Variants in ZNF853 observed in about 807,000 individuals in gnomAD.
ZNF853 encodes zinc finger protein 853.
In ZNF853, 57 loss-of-function variants were observed where a neutral mutation model predicts 94.7. The ratio of observed to expected loss-of-function variants is 0.60; its 90% CI spans 0.49 to 0.75. The LOEUF (loss-of-function observed/expected upper bound fraction) is 0.75, where lower values mean the gene tolerates loss of function less well. ZNF853 is among the 30% of genes least tolerant of loss of function. The pLI is 0.00. For missense variants in ZNF853, 785 were observed against 868.9 expected, an observed-to-expected ratio of 0.90 and a Z score of 1.21; for synonymous variants, 448 against 406.3, an observed-to-expected ratio of 1.10 and a Z score of -1.23.
At position 6,622,921 on chromosome 7, in the gene ZNF853, C is replaced by T. The variant is rs1254703115; in HGVS notation, c.1930C>T (p.Arg644Cys). Residue 644 changes from arginine (R) to cysteine (C), a missense_variant, in exon 3 of 3, where the codon CGC becomes TGC. By Grantham distance (180) the Arg-to-Cys change is radical. Coordinates refer to ENST00000457543, the MANE Select transcript of ZNF853 (RefSeq NM_017560.3). Reference sequence around the variant, plus strand: ...GCCGGCGGCCCTCGGTGGCCCAGCCCGCGCGGAGCAGGCCGCTACAGCCAC... The same window carrying T: ...GCCGGCGGCCCTCGGTGGCCCAGCCTGCGCGGAGCAGGCCGCTACAGCCAC... ...SRPAALGGPA[R>C]AEQAATATAP... 5.6e-6 allele frequency: 7 copies of T among 1,248,506 alleles called. No homozygotes were observed. Among genetic ancestry groups the T allele is most frequent in the African/African-American group, 1.6e-5 (1 of 63,830 alleles). 77.3% of individuals were successfully genotyped at this position (1,248,506 alleles called of 1,614,324 possible). A position where few individuals can be genotyped will look rare whatever the true frequency, so the allele number is the denominator to read the frequency against.
Position 6,623,021 on chromosome 7 carries a change from C to T in ZNF853, c.*50C>T, listed in dbSNP as rs1051803068. On this transcript the variant is annotated 3_prime_UTR_variant, in exon 3 of 3. Transcript: ENST00000457543. ...CGGGAGGGGACCCCCCACCCGCCTC[C>T]ACCTGAAAAGCTCCTTGACCCGGGT... 1.5e-5 allele frequency: 19 copies of T among 1,235,934 alleles called. No homozygotes were observed. The highest frequency in any genetic ancestry group is 3.1e-4 in the Middle Eastern group (1 of 3,232). 76.6% of individuals were successfully genotyped at this position (1,235,934 alleles called of 1,614,324 possible). A position where few individuals can be genotyped will look rare whatever the true frequency, so the allele number is the denominator to read the frequency against.
At position 6,622,205 on chromosome 7, in the gene ZNF853, C is replaced by A; in HGVS notation, c.1214C>A (p.Thr405Asn). The A allele has an allele frequency of 6.5e-7, 1 of 1,537,448 alleles. No homozygotes were observed. Among genetic ancestry groups the A allele is most frequent in the Non-Finnish European group, 8.7e-7 (1 of 1,145,736 alleles). The change falls in exon 3 of 3, where the codon ACC becomes AAC. Residue 405 changes from threonine to asparagine, a missense_variant. Physicochemically the swap from Thr to Asn is moderately conservative, Grantham distance 65. Transcript: ENST00000457543. ...AQQQEVQLEL[T>N]PVQPELQLEL... The stretch of plus-strand genomic sequence containing the variant: ...CAGCAGGAGGTGCAGCTGGAGCTGA[C>A]CCCCGTGCAGCCGGAGCTGCAGCTG...
intron 1 of ZNF853, among the ~76,000 whole-genome samples, 152 bp downstream of exon 1, chr7:6,616,338 A>AG: frequency 6.6e-6 from 1 of 152,146 alleles, no homozygotes; most frequent in Non-Finnish European, 1.5e-5. Flanking sequence ...GCACAGGGCC[A>AG]GGCCGTGGGT....
chr7:6,620,815 T>C, intron 2 of ZNF853, among the ~76,000 whole-genome samples: 1 of 152,210 alleles, frequency 6.6e-6, no homozygotes, highest in African/African-American at 2.4e-5. Flanking sequence ...GCTTTCGCCA[T>C]GTTGCCCAGG....
At position 6,622,438 on chromosome 7, in the gene ZNF853, C is replaced by G. The variant is rs965066117; in HGVS notation, c.1447C>G (p.Arg483Gly). The G allele has an allele frequency of 6.8e-7, 1 of 1,469,218 alleles. No homozygotes were observed. Among genetic ancestry groups the G allele is most frequent in the Non-Finnish European group, 8.9e-7 (1 of 1,118,000 alleles). The allele number at this position is 1,469,218 out of a possible 1,614,324, so 91.0% of individuals were successfully genotyped here. A position where few individuals can be genotyped will look rare whatever the true frequency, so the allele number is the denominator to read the frequency against. Residue 483 changes from arginine to glycine, a missense_variant, in exon 3 of 3, where the codon CGG (arginine) becomes GGG (glycine). Transcript: ENST00000457543. ...GCGGCGGCGGCGGCGCGCTCGGGAC[C>G]GGCCGACCATCTGCGGGGAGTGCGG... ...RQRRRRRARD[R>G]PTICGECGKG... is the part of the protein sequence containing the mutation.
At chr7:6,618,486 A>C in intron 2 of ZNF853, among the ~76,000 whole-genome samples, 4 of 152,182 alleles carry the variant, frequency 2.6e-5, no homozygotes, top group Admixed American at 6.6e-5. Context: ...AGGCAGGTGG[A>C]TCGCTTGAGC....
chr7:6,624,013 G>A lies in ZNF853; in HGVS notation c.*1042G>A, dbSNP rs1296859790. The stretch of plus-strand genomic sequence containing the variant: ...AGAATATCTGAGACGACGTTTGGGA[G>A]CAATGCTCTTTACCACGTTCACCAA... On this transcript the variant is annotated 3_prime_UTR_variant, in exon 3 of 3. Coordinates refer to ENST00000457543, the MANE Select transcript of ZNF853 (RefSeq NM_017560.3). 1.3e-5 allele frequency: 2 copies of A among 152,306 alleles called. No homozygotes were observed. Among genetic ancestry groups the A allele is most frequent in the African/African-American group, 4.8e-5 (2 of 41,476 alleles). 9.4% of individuals were successfully genotyped at this position (152,306 alleles called of 1,614,324 possible). A position where few individuals can be genotyped will look rare whatever the true frequency, so the allele number is the denominator to read the frequency against.
intron 1 of ZNF853, 104 bp downstream of exon 1, chr7:6,616,290 C>T: frequency 8.3e-7 from 1 of 1,209,058 alleles, no homozygotes; most frequent in Admixed American, 2.2e-5. Flanking sequence ...GAGGGGCCAG[C>T]TCTGCACGGG....
rs573914284 is a variant in ZNF853, at chr7:6,622,531, C to A, written c.1540C>A (p.Arg514Ser). The A allele has an allele frequency of 1.3e-6, 2 of 1,548,250 alleles. No homozygotes were observed. The highest frequency in any genetic ancestry group is 1.7e-6 in the Non-Finnish European group (2 of 1,146,590). Residue 514 changes from arginine to serine, a missense_variant, in exon 3 of 3, where the codon CGC becomes AGC. Physicochemically the swap from Arg to Ser is moderately radical, Grantham distance 110 (BLOSUM62 -1). Transcript: ENST00000457543. ...CACGCACACGGGTGAGCGGCCACAC[C>A]GCTGCGGCGAGTGCGGCAAGGGCTT... ...QATHTGERPHRCGECGKGFSQ... is the reference protein window; with the variant it reads ...QATHTGERPHSCGECGKGFSQ...
At position 6,622,449 on chromosome 7, in the gene ZNF853, C is replaced by T. The variant is rs1193532795; in HGVS notation, c.1458C>T (p.Ile486=). 6.6e-7 allele frequency: 1 copy of T among 1,510,080 alleles called. No individual in the cohort carries two copies. The highest frequency in any genetic ancestry group is 8.8e-7 in the Non-Finnish European group (1 of 1,133,142). The allele number at this position is 1,510,080 out of a possible 1,614,324, so 93.5% of individuals were successfully genotyped here. Residue 486 remains isoleucine (I), a synonymous_variant, in exon 3 of 3, where the codon ATC becomes ATT. Transcript: ENST00000457543. The stretch of plus-strand genomic sequence containing the variant: ...GGCGCGCTCGGGACCGGCCGACCAT[C>T]TGCGGGGAGTGCGGCAAGGGCTTCA... ...RRRRARDRPT[I]CGECGKGFSR... is the part of the protein sequence containing the mutation.
chr7:6,622,223 T>G lies in ZNF853; in HGVS notation c.1232T>G (p.Leu411Arg). 6.5e-7 allele frequency: 1 copy of G among 1,533,422 alleles called. No homozygotes were observed. Among genetic ancestry groups the G allele is most frequent in the Non-Finnish European group, 8.7e-7 (1 of 1,144,118 alleles). 95.0% of individuals were successfully genotyped at this position (1,533,422 alleles called of 1,614,324 possible). Residue 411 changes from leucine to arginine, a missense_variant, in exon 3 of 3, where the codon CTG (leucine) becomes CGG (arginine). By Grantham distance (102) the Leu-to-Arg change is moderately radical (BLOSUM62 -2). Coordinates refer to ENST00000457543, the MANE Select transcript of ZNF853 (RefSeq NM_017560.3). ...QLELTPVQPE[L>R]QLELVPAAGG... ...GAGCTGACCCCCGTGCAGCCGGAGC[T>G]GCAGCTGGAACTGGTGCCAGCCGCA... is the stretch of plus-strand genomic sequence containing the variant.
Position 6,621,441 on chromosome 7 carries a change from G to C in ZNF853, c.450G>C (p.Leu150=). The C allele has an allele frequency of 6.4e-7, 1 of 1,551,742 alleles. No homozygotes were observed. Among genetic ancestry groups the C allele is most frequent in the African/African-American group, 1.4e-5 (1 of 73,160 alleles). ...ACCATCAGGAACTGAAACCAGAACT[G>C]CAGCTAATGCACCAGCAGCAACAGT... is the stretch of plus-strand genomic sequence containing the variant. ...SVHHQELKPE[L]QLMHQQQQLQ... The change falls in exon 3 of 3, where the codon CTG becomes CTC. Residue 150 remains leucine, a synonymous_variant. Transcript: ENST00000457543.
Position 6,621,138 on chromosome 7 carries a change from C to T in ZNF853, c.147C>T (p.Ser49=), listed in dbSNP as rs373055119. The T allele has an allele frequency of 5.5e-5, 81 of 1,465,872 alleles. No individual in the cohort carries two copies. The highest frequency in any genetic ancestry group is 2.7e-4 in the African/African-American group (19 of 70,084). 90.8% of individuals were successfully genotyped at this position (1,465,872 alleles called of 1,614,324 possible). A position where few individuals can be genotyped will look rare whatever the true frequency, so the allele number is the denominator to read the frequency against. The part of the protein sequence containing the change: ...PDTLSGGSGG[S]ESQEEEEPQE... Reference sequence around the variant, plus strand: ...CTTCCACAGGTGGCAGCGGTGGGAGCGAGAGTCAGGAGGAGGAAGAGCCTC... The same window carrying T: ...CTTCCACAGGTGGCAGCGGTGGGAGTGAGAGTCAGGAGGAGGAAGAGCCTC... Residue 49 remains serine, a synonymous_variant, in exon 3 of 3, where the codon AGC becomes AGT. Coordinates refer to ENST00000457543, the MANE Select transcript of ZNF853 (RefSeq NM_017560.3).
rs1455260802 is a variant in ZNF853 at position 6,621,540 on chromosome 7, A to C, written c.549A>C (p.Gln183His). 2 of 1,551,478 alleles carry C rather than the reference A, an allele frequency of 1.3e-6. No individual in the cohort carries two copies. Among genetic ancestry groups the C allele is most frequent in the African/African-American group, 2.7e-5 (2 of 73,014 alleles). The stretch of plus-strand genomic sequence containing the variant: ...AGCAGTTACAGACGCAGCAAGCACA[A>C]GAGCAACAGGTATTGCAGCAGCAGG... ...QQEQLQTQQA[Q>H]EQQVLQQQEQ... is the part of the protein sequence containing the mutation. The change falls in exon 3 of 3, where the codon CAA becomes CAC. Residue 183 changes from glutamine to histidine, a missense_variant. By Grantham distance (24) the Gln-to-His change is conservative. Coordinates refer to ENST00000457543, the MANE Select transcript of ZNF853 (RefSeq NM_017560.3).
chr7:6,623,282 G>A lies in ZNF853; in HGVS notation c.*311G>A, dbSNP rs1207899658. On this transcript the variant is annotated 3_prime_UTR_variant, in exon 3 of 3. Coordinates refer to ENST00000457543, the MANE Select transcript of ZNF853 (RefSeq NM_017560.3). ...CCTCCGGGAAAACTGGACTTACTACGAACGAGGAAAAACCCCCAGTGGCGA... is the reference window on the plus strand; with the variant it reads ...CCTCCGGGAAAACTGGACTTACTACAAACGAGGAAAAACCCCCAGTGGCGA... The A allele has an allele frequency of 3.0e-5, 12 of 398,578 alleles. No homozygotes were observed. Among genetic ancestry groups the A allele is most frequent in the Non-Finnish European group, 4.9e-5 (11 of 226,204 alleles). 24.7% of individuals were successfully genotyped at this position (398,578 alleles called of 1,614,324 possible).
At position 6,622,925 on chromosome 7, in the gene ZNF853, C is replaced by T. The variant is rs1782667383; in HGVS notation, c.1934C>T (p.Ala645Val). The change falls in exon 3 of 3, where the codon GCG becomes GTG. Residue 645 changes from alanine to valine, a missense_variant. Ala to Val is a moderately conservative substitution (Grantham distance 64, BLOSUM62 0). Transcript: ENST00000457543. ...RPAALGGPAR[A>V]EQAATATAPA... ...GCGGCCCTCGGTGGCCCAGCCCGCGCGGAGCAGGCCGCTACAGCCACTGCG... is the reference window on the plus strand; with the variant it reads ...GCGGCCCTCGGTGGCCCAGCCCGCGTGGAGCAGGCCGCTACAGCCACTGCG... 2 of 1,248,778 alleles carry T rather than the reference C, an allele frequency of 1.6e-6. No individual in the cohort carries two copies. Among genetic ancestry groups the T allele is most frequent in the Non-Finnish European group, 1.0e-6 (1 of 998,530 alleles). The allele number at this position is 1,248,778 out of a possible 1,614,324, so 77.4% of individuals were successfully genotyped here. A position where few individuals can be genotyped will look rare whatever the true frequency, so the allele number is the denominator to read the frequency against.
Position 6,620,866 on chromosome 7 carries a change from G to A in ZNF853, c.131-256G>A. Among the ~76,000 whole-genome samples, 6 of 152,142 alleles carry A rather than the reference G, an allele frequency of 3.9e-5. No individual in the cohort carries two copies. The East Asian group carries it at 1.2e-3, about 29-fold the overall frequency. ...TGAGCTCTGGCAATCTGCCCACCTCGGCCTCTCAAAGTGCTGGGATTACAG... is the reference window on the plus strand; with the variant it reads ...TGAGCTCTGGCAATCTGCCCACCTCAGCCTCTCAAAGTGCTGGGATTACAG... On this transcript the variant is annotated intron_variant, in intron 2 of 2. Transcript: ENST00000457543.
rs1241019477 is a variant in ZNF853 at position 6,622,857 on chromosome 7, G to C, written c.1866G>C (p.Ala622=). Residue 622 remains alanine, a synonymous_variant, in exon 3 of 3, where the codon GCG becomes GCC. Coordinates refer to ENST00000457543, the MANE Select transcript of ZNF853 (RefSeq NM_017560.3). ...GCCACGAGCGCCAGCTGCACGGCGC[G>C]GGCCGCTCCAGGGGCCTCGGCCTGC... ...IRRHERQLHG[A]GRSRGLGLLR... The C allele has an allele frequency of 1.4e-6, 2 of 1,467,576 alleles. No individual in the cohort carries two copies. Among genetic ancestry groups the C allele is most frequent in the East Asian group, 5.5e-5 (2 of 36,044 alleles). 90.9% of individuals were successfully genotyped at this position (1,467,576 alleles called of 1,614,324 possible). A position where few individuals can be genotyped will look rare whatever the true frequency, so the allele number is the denominator to read the frequency against.
In ZNF853 at chr7:6,622,224, G is replaced by A. The variant is rs1562570403; in HGVS notation, c.1233G>A (p.Leu411=). Residue 411 remains leucine (L), a synonymous_variant, in exon 3 of 3, where the codon CTG becomes CTA. Transcript: ENST00000457543. ...AGCTGACCCCCGTGCAGCCGGAGCT[G>A]CAGCTGGAACTGGTGCCAGCCGCAG... ...QLELTPVQPE[L]QLELVPAAGG... 6.5e-7 allele frequency: 1 copy of A among 1,533,268 alleles called. No individual in the cohort carries two copies. 95.0% of individuals were successfully genotyped at this position (1,533,268 alleles called of 1,614,324 possible).
Sources: gnomAD v4.1 joint callset for allele counts (sites outside exome capture counted in the v4.1 genomes callset) on GRCh38, gnomAD v4.1.1 for gene constraint, MANE v1.5 for transcripts, NCBI Gene and HGNC (gene_info 2026-07-23, HGNC 2026-07-21) for gene names.